Variants in MAP4K3 observed in about 807,000 individuals in gnomAD.
MAP4K3 encodes the protein mitogen-activated protein kinase kinase kinase kinase 3, also known as MAPK/ERK kinase kinase kinase 3.
In MAP4K3, 94 loss-of-function variants were observed where a neutral mutation model predicts 143.5. The observed-to-expected ratio is 0.65, with a 90% CI of 0.55 to 0.78. MAP4K3 has a LOEUF of 0.78. Ranked by LOEUF, MAP4K3 falls within the 30% of genes least tolerant of loss-of-function variation. The pLI is 0.00. For missense variants in MAP4K3, 1,077 were observed against 1,068.1 expected (o/e 1.01, Z -0.12); for synonymous variants, 416 against 347.2 (o/e 1.20, Z -2.20).
intron 3 of MAP4K3, among the ~76,000 whole-genome samples, chr2:39,345,823 G>C (rs1310526717): frequency 6.7e-6 from 1 of 149,812 alleles, no homozygotes; most frequent in Non-Finnish European, 1.5e-5. Flanking sequence ...TCGGGAGACT[G>C]AGGCAGGAGA....
chr2:39,378,214 T>C (rs1666269807), intron 1 of MAP4K3, 91 bp from the exon 2 acceptor site: 1 of 657,492 alleles, frequency 1.5e-6, no homozygotes, highest in Non-Finnish European at 2.6e-6. Flanking sequence ...TTCAGTTATA[T>C]AAAAATATTT....
intron 4 of MAP4K3, among the ~76,000 whole-genome samples, chr2:39,342,694 A>T (rs1230300219): frequency 6.6e-6 from 1 of 152,072 alleles, no homozygotes; most frequent in Non-Finnish European, 1.5e-5. Flanking sequence ...AGTGTAATTC[A>T]CCCCTCAAAT....
chr2:39,434,764 G>C (rs953282520), intron 1 of MAP4K3, among the ~76,000 whole-genome samples: 1 of 152,210 alleles, frequency 6.6e-6, no homozygotes, highest in Non-Finnish European at 1.5e-5. Flanking sequence ...CTGCAAAATG[G>C]AGTTAACAAT....
At chr2:39,319,941 T>C (rs1004440227) in intron 12 of MAP4K3, among the ~76,000 whole-genome samples, 2 of 152,120 alleles carry the variant, frequency 1.3e-5, no homozygotes, top group African/African-American at 2.4e-5. Flanking sequence ...TCTTGATGAG[T>C]TTTTAAAAGT....
chr2:39,359,857 C>A (rs748517152), intron 2 of MAP4K3, among the ~76,000 whole-genome samples: 2 of 152,234 alleles, frequency 1.3e-5, no homozygotes, highest in Non-Finnish European at 2.9e-5. Context: ...CTAGGCTGCA[C>A]ACAGCAGGGG....
At chr2:39,317,724 A>G (rs1683164543) in intron 12 of MAP4K3, among the ~76,000 whole-genome samples, 1 of 152,208 alleles carries the variant, frequency 6.6e-6, no homozygotes, top group African/African-American at 2.4e-5. Flanking sequence ...CATACCAGCC[A>G]GAATGGTTAT....
chr2:39,260,893 G>T, intron 28 of MAP4K3, 116 bp from the exon 29 acceptor site: 1 of 684,840 alleles, frequency 1.5e-6, no homozygotes, highest in Non-Finnish European at 2.4e-6. Flanking sequence ...CAGAAATTCA[G>T]GTAATGCAGA....
At chr2:39,345,216 CAA>C (rs1402340807) in intron 3 of MAP4K3, among the ~76,000 whole-genome samples, 4 of 144,250 alleles carry the variant, frequency 2.8e-5, no homozygotes, top group Non-Finnish European at 6.0e-5. Flanking sequence ...TCTTAAAAAA[CAA>C]ACAAAAAAAG....
intron 1 of MAP4K3, among the ~76,000 whole-genome samples, chr2:39,421,357 T>C (rs1277449772): frequency 6.7e-6 from 1 of 149,238 alleles, no homozygotes; most frequent in Non-Finnish European, 1.5e-5. Context: ...ACTAGATTTA[T>C]TGACTTGGGC....
intron 8 of MAP4K3, among the ~76,000 whole-genome samples, chr2:39,331,420 G>C (rs931191470): frequency 2.6e-5 from 4 of 152,108 alleles, no homozygotes; most frequent in Admixed American, 6.6e-5. Context: ...AGACTGGTAA[G>C]AGCTAAGGCT....
At chr2:39,353,736 T>C (rs3953482) in intron 3 of MAP4K3, among the ~76,000 whole-genome samples, 7,495 of 151,228 alleles carry the variant, frequency 0.05, 245 homozygotes, top group Non-Finnish European at 0.079. Flanking sequence ...GTAGTAGTAG[T>C]AGCAGCAGCA....
At chr2:39,381,835 T>G (rs970310139) in intron 1 of MAP4K3, among the ~76,000 whole-genome samples, 1 of 152,156 alleles carries the variant, frequency 6.6e-6, no homozygotes, top group South Asian at 2.1e-4. Context: ...TCCAGCTCCC[T>G]CCCCTGGCCT....
At position 39,292,820 on chromosome 2, in the gene MAP4K3, G is replaced by T. The variant is rs140954365; in HGVS notation, c.1224C>A (p.His408Gln). The T allele has an allele frequency of 6.2e-7, 1 of 1,611,266 alleles. No individual in the cohort carries two copies. The highest frequency in any genetic ancestry group is 1.1e-5 in the South Asian group (1 of 91,010). The change falls in exon 18 of 34, where the codon CAC (histidine) becomes CAA (glutamine). Residue 408 changes from histidine (H) to glutamine (Q), a missense_variant. Around this residue, in one of 2 missense-constraint regions of MAP4K3, gnomAD observed 864 missense variants for 801.2 expected, o/e 1.08. Transcript: ENST00000263881. ...SVEEELHQRGHVAHLEDDEGD... is the reference protein window; with the variant it reads ...SVEEELHQRGQVAHLEDDEGD... ...CTTCATCATCTTCTAAATGTGCGAC[G>T]TGTCCTCTAAATAAAAAGGATAATG...
intron 16 of MAP4K3, among the ~76,000 whole-genome samples, chr2:39,297,466 C>A (rs1488199129): frequency 2.0e-5 from 3 of 151,992 alleles, no homozygotes; most frequent in Non-Finnish European, 4.4e-5. Flanking sequence ...AATAAATTAT[C>A]AGAAAAGCTG....
intron 21 of MAP4K3, among the ~76,000 whole-genome samples, chr2:39,282,797 A>T (rs1348779861): frequency 6.6e-6 from 1 of 152,236 alleles, no homozygotes; most frequent in Non-Finnish European, 1.5e-5. Flanking sequence ...AGATATACTT[A>T]TGTAATCATA....
At chr2:39,333,421 TAC>T in intron 7 of MAP4K3, 109 bp downstream of exon 7, 2 of 763,844 alleles carry the variant, frequency 2.6e-6, no homozygotes, top group Non-Finnish European at 4.5e-6. Context: ...CATCTAAAAA[TAC>T]ACAGATGCCG....
chr2:39,275,942 G>A (rs1681230061), intron 24 of MAP4K3, among the ~76,000 whole-genome samples: 1 of 151,952 alleles, frequency 6.6e-6, no homozygotes, highest in Admixed American at 6.6e-5. Flanking sequence ...GCGTGATCTC[G>A]GCTCACTGCA....
At chr2:39,370,484 A>G (rs1573209237) in intron 2 of MAP4K3, among the ~76,000 whole-genome samples, 1 of 152,232 alleles carries the variant, frequency 6.6e-6, no homozygotes, top group Non-Finnish European at 1.5e-5. Flanking sequence ...CACCTCTACT[A>G]CCTCTCAGGA....
At chr2:39,303,513 A>G (rs1002963623) in intron 15 of MAP4K3, among the ~76,000 whole-genome samples, 2 of 152,010 alleles carry the variant, frequency 1.3e-5, no homozygotes, top group African/African-American at 4.8e-5. Context: ...TTATGCCCCT[A>G]CATAGTCATT....
Sources: gnomAD v4.1 joint callset for allele counts (sites outside exome capture counted in the v4.1 genomes callset) on GRCh38, gnomAD v4.1.1 for gene constraint, gnomAD v4.1.1 regional missense constraint, MANE v1.5 for transcripts, NCBI Gene and HGNC (gene_info 2026-07-23, HGNC 2026-07-21) for gene names.